MITF: variants seen among roughly 807,000 people sequenced by gnomAD.
MITF encodes the protein melanocyte inducing transcription factor.
Under a neutral mutation model 60.5 loss-of-function variants are expected in MITF, and 17 were observed. That is an observed-to-expected ratio of 0.28 (90% CI 0.19 to 0.42). MITF has a LOEUF of 0.42. Among genes scored for constraint, MITF ranks in the 10% least tolerant of loss-of-function variants. The probability of loss-of-function intolerance (pLI) is 1.00; values close to 1 mark genes in which losing one functional copy is unlikely to be tolerated. For synonymous variants in MITF, 260 were observed against 248.5 expected (o/e 1.05, Z -0.43); for missense variants, 622 against 683.5 (o/e 0.91, Z 1.00).
intron 1 of MITF, among the ~76,000 whole-genome samples, chr3:69,761,020 C>T (rs922394322): frequency 6.6e-6 from 1 of 152,150 alleles, no homozygotes; most frequent in African/African-American, 2.4e-5. Context: ...AATTTAGTGA[C>T]AACAGAGCAC....
At chr3:69,780,007 G>A (rs1476562893) in intron 1 of MITF, among the ~76,000 whole-genome samples, 1 of 152,160 alleles carries the variant, frequency 6.6e-6, no homozygotes, top group Non-Finnish European at 1.5e-5. Flanking sequence ...ATAGGATTGG[G>A]AAGAAGGGAT....
At chr3:69,865,767 C>T (rs1480253841) in intron 1 of MITF, among the ~76,000 whole-genome samples, 1 of 152,108 alleles carries the variant, frequency 6.6e-6, no homozygotes, top group Non-Finnish European at 1.5e-5. Context: ...CCAAAAATGC[C>T]TGTGCACAGA....
Position 69,875,713 on chromosome 3 carries a change from C to T in MITF, c.105-3421C>T, listed in dbSNP as rs1456713020. Among the ~76,000 whole-genome samples the T allele has an allele frequency of 3.9e-5, 6 of 152,338 alleles. No homozygotes were observed. The East Asian group carries it at 1.2e-3, about 29-fold the overall frequency. On this transcript the variant is annotated intron_variant, in intron 1 of 9. Coordinates refer to ENST00000352241, the MANE Select transcript of MITF (RefSeq NM_001354604.2). ...ATAAACCTCAATTTGGAGCTTAAGA[C>T]ATTATGCTCATTTGTCCTGCTAACA...
intron 1 of MITF, among the ~76,000 whole-genome samples, chr3:69,839,751 TA>T (rs547331743): frequency 1.6e-3 from 229 of 144,430 alleles, no homozygotes; most frequent in South Asian, 0.015. Context: ...AACCGATATT[TA>T]AAAAAAAAAA....
chr3:69,754,259 C>T (rs1704046384), intron 1 of MITF, among the ~76,000 whole-genome samples: 1 of 151,890 alleles, frequency 6.6e-6, no homozygotes. Flanking sequence ...CTCTGTCACC[C>T]AGGCTGGAGT....
rs79703602 is a variant in MITF at position 69,885,943 on chromosome 3, C to A, written c.354+6560C>A. Among the ~76,000 whole-genome samples, 160 of 152,188 alleles carry A rather than the reference C, an allele frequency of 1.1e-3. 2 individuals carry two copies. The East Asian group carries it at 0.026, about 24-fold the overall frequency. On this transcript the variant is annotated intron_variant, in intron 2 of 9. Transcript: ENST00000352241. ...TTACCTGTATTGACTCATTTAATGC[C>A]ACCATTGCTCTGTGAGGTAGTTATT...
intron 4 of MITF, 85 bp from the exon 5 acceptor site, chr3:69,941,151 T>TA (rs2065959359): frequency 2.3e-6 from 2 of 854,622 alleles, no homozygotes; most frequent in Middle Eastern, 3.2e-4. Flanking sequence ...TTGCTTTGGG[T>TA]AAAAAAAGAC....
At chr3:69,913,741 A>C (rs1160785063) in intron 2 of MITF, among the ~76,000 whole-genome samples, 2 of 152,228 alleles carry the variant, frequency 1.3e-5, no homozygotes, top group Non-Finnish European at 2.9e-5. Flanking sequence ...GTGATTTTAC[A>C]TCATCCTAAC....
chr3:69,938,919 C>A, intron 3 of MITF, 179 bp from the exon 4 acceptor site: 2 of 1,483,252 alleles, frequency 1.3e-6, no homozygotes, highest in South Asian at 1.4e-5. Context: ...CCAAATTTGT[C>A]ATCTAGCAAG....
At chr3:69,774,174 A>G (rs1057021419) in intron 1 of MITF, among the ~76,000 whole-genome samples, 1 of 152,210 alleles carries the variant, frequency 6.6e-6, no homozygotes, top group Non-Finnish European at 1.5e-5. Context: ...AGTTAGACCT[A>G]GTGCCACACA....
At chr3:69,958,182 A>G (rs964229392) in intron 8 of MITF, among the ~76,000 whole-genome samples, 3 of 152,206 alleles carry the variant, frequency 2.0e-5, no homozygotes, top group African/African-American at 7.2e-5. Flanking sequence ...GACCCTTCAA[A>G]TATCCCAATT....
At chr3:69,798,500 T>C (rs1000312070) in intron 1 of MITF, among the ~76,000 whole-genome samples, 1 of 152,234 alleles carries the variant, frequency 6.6e-6, no homozygotes, top group Non-Finnish European at 1.5e-5. Context: ...CAGCAAGTGA[T>C]AGCTGCTACT....
At chr3:69,921,436 T>G (rs1263871127) in intron 2 of MITF, among the ~76,000 whole-genome samples, 2 of 152,214 alleles carry the variant, frequency 1.3e-5, no homozygotes, top group African/African-American at 4.8e-5. Flanking sequence ...TTAGAATTGT[T>G]CAGCTTCATT....
chr3:69,880,454 C>T (rs2064460823), intron 2 of MITF, among the ~76,000 whole-genome samples: 1 of 152,070 alleles, frequency 6.6e-6, no homozygotes, highest in Non-Finnish European at 1.5e-5. Context: ...AATAATGGAA[C>T]TCGGATGAAG....
At chr3:69,939,474 T>C (rs1340840919) in intron 4 of MITF, among the ~76,000 whole-genome samples, 1 of 152,084 alleles carries the variant, frequency 6.6e-6, no homozygotes, top group Non-Finnish European at 1.5e-5. Flanking sequence ...ATAATCCATA[T>C]ATGTTATACA....
intron 1 of MITF, among the ~76,000 whole-genome samples, chr3:69,764,176 T>C (rs1004854062): frequency 6.6e-6 from 1 of 152,202 alleles, no homozygotes; most frequent in African/African-American, 2.4e-5. Flanking sequence ...CTTTTCCACT[T>C]TTTATGTTAT....
At chr3:69,883,883 A>G (rs910689468) in intron 2 of MITF, among the ~76,000 whole-genome samples, 1 of 152,186 alleles carries the variant, frequency 6.6e-6, no homozygotes, top group Admixed American at 6.5e-5. Flanking sequence ...TACACAAACA[A>G]CCTGTCAGCC....
Position 69,941,453 on chromosome 3 carries a change from T to G in MITF, c.762+122T>G, listed in dbSNP as rs773857550. ...CTGATTAAATGTATTAATAGTAAAA[T>G]GGAGAATTATCTCAGGATCACAAAT... On this transcript the variant is annotated intron_variant, in intron 5 of 9. Coordinates refer to ENST00000352241, the MANE Select transcript of MITF (RefSeq NM_001354604.2). 44 of 662,816 alleles carry G rather than the reference T, an allele frequency of 6.6e-5. No homozygotes were observed. The Middle Eastern group carries it at 1.8e-3, about 27-fold the overall frequency. 41.1% of individuals were successfully genotyped at this position (662,816 alleles called of 1,614,324 possible).
At chr3:69,858,299 A>G (rs1056934424) in intron 1 of MITF, among the ~76,000 whole-genome samples, 6 of 152,160 alleles carry the variant, frequency 3.9e-5, no homozygotes, top group African/African-American at 1.2e-4. Context: ...TAATCAACAG[A>G]CAGGAAGGAT....
Sources: allele counts gnomAD v4.1 joint callset (sites outside exome capture counted in the v4.1 genomes callset), GRCh38; gene constraint gnomAD v4.1.1; transcripts MANE v1.5; gene names NCBI Gene and HGNC (gene_info 2026-07-23, HGNC 2026-07-21).